C3orf49: variants seen among roughly 807,000 people sequenced by gnomAD.
C3orf49 encodes putative uncharacterized protein C3orf49.
C3orf49 carries 27 observed loss-of-function variants against 13.3 expected under a neutral mutation model. The observed-to-expected ratio is 2.02, with a 90% CI of 1.49 to 2.79. The LOEUF is 2.79. Ranked by LOEUF, C3orf49 falls within the 30% of genes most tolerant of loss-of-function variation. C3orf49 has a pLI of 0.00. For missense variants in C3orf49, 242 were observed against 134.2 expected, an observed-to-expected ratio of 1.80 and a Z score of -3.97; for synonymous variants, 87 against 47.6, an observed-to-expected ratio of 1.83 and a Z score of -3.40.
chr3:63,801,340 A>C, the C3orf49 span, among the ~76,000 whole-genome samples: 1 of 151,944 alleles, frequency 6.6e-6, no homozygotes, highest in Non-Finnish European at 1.5e-5. Context: ...AAAGAGAGAA[A>C]GTGAAAGAGA....
intron 3 of C3orf49, among the ~76,000 whole-genome samples, chr3:63,829,095 G>A (rs1283839428): frequency 6.6e-6 from 1 of 152,192 alleles, no homozygotes; most frequent in Non-Finnish European, 1.5e-5. Context: ...AAGTTCCACT[G>A]AACAGTGCTG....
the C3orf49 span, among the ~76,000 whole-genome samples, chr3:63,788,339 G>A: frequency 2.6e-5 from 4 of 152,216 alleles, no homozygotes; most frequent in African/African-American, 9.7e-5. Context: ...GAGCCATTAT[G>A]TTATTCTGCT....
chr3:63,843,111 T>C (rs930448396), intron 5 of C3orf49, among the ~76,000 whole-genome samples: 1 of 148,022 alleles, frequency 6.8e-6, no homozygotes, highest in South Asian at 2.1e-4. Flanking sequence ...ACCGTATGTA[T>C]ATTTGTTTGT....
chr3:63,788,226 C>T, the C3orf49 span, among the ~76,000 whole-genome samples: 2 of 152,132 alleles, frequency 1.3e-5, no homozygotes, highest in Non-Finnish European at 2.9e-5. Context: ...GCCCATCTTA[C>T]AGGTGAGGAA....
Position 63,831,220 on chromosome 3 carries a change from G to A in C3orf49, c.681G>A (p.Met227Ile). 1.4e-6 allele frequency: 1 copy of A among 702,136 alleles called. No individual in the cohort carries two copies. 43.5% of individuals were successfully genotyped at this position (702,136 alleles called of 1,614,324 possible). A position where few individuals can be genotyped will look rare whatever the true frequency, so the allele number is the denominator to read the frequency against. Residue 227 changes from methionine to isoleucine, a missense_variant, in exon 4 of 7, where the codon ATG becomes ATA. Coordinates refer to ENST00000295896, the MANE Select transcript of C3orf49 (RefSeq NM_001355236.2). ...ATTTGACAGTAGGAAAGCTTCAAAT[G>A]CAGGTAGTGGACAAAGGCTTTTAAC... Reference protein sequence around the residue: ...KSDLTVGKLQMQVDDLIETVT... With the variant: ...KSDLTVGKLQIQVDDLIETVT...
chr3:63,830,088 C>A (rs990549978), intron 3 of C3orf49, among the ~76,000 whole-genome samples: 6 of 152,114 alleles, frequency 3.9e-5, no homozygotes, highest in Non-Finnish European at 7.3e-5. Flanking sequence ...AGGCCAATTC[C>A]TCATGGCAAC....
chr3:63,840,843 G>C (rs1167015130), intron 5 of C3orf49, among the ~76,000 whole-genome samples: 1 of 152,176 alleles, frequency 6.6e-6, no homozygotes, highest in Non-Finnish European at 1.5e-5. Flanking sequence ...CTAATAAAAT[G>C]CAAACTGGTA....
intron 5 of C3orf49, among the ~76,000 whole-genome samples, chr3:63,844,307 TTAA>T (rs1464063481): frequency 6.6e-6 from 1 of 152,200 alleles, no homozygotes; most frequent in Non-Finnish European, 1.5e-5. Context: ...GTGACTATAG[TTAA>T]TGATGATATA....
intron 1 of C3orf49, among the ~76,000 whole-genome samples, chr3:63,821,986 G>GT (rs1448153132): frequency 6.7e-6 from 1 of 149,812 alleles, no homozygotes; most frequent in Non-Finnish European, 1.5e-5. Context: ...TTTTTTTTTT[G>GT]TTTTTTTGAG....
intron 1 of C3orf49, among the ~76,000 whole-genome samples, chr3:63,820,763 C>T (rs1701382391): frequency 6.6e-6 from 1 of 152,084 alleles, no homozygotes; most frequent in African/African-American, 2.4e-5. Flanking sequence ...AAATGGTGCT[C>T]CCTCCTCAGG....
rs149216656 is a variant in C3orf49 at position 63,845,215 on chromosome 3, G to A, written c.*30+133G>A. ...CTCGCTGATATCTTTGGCTTTGGGG[G>A]TATCAAGATTAGTTTGTGCTATGAG... is the stretch of plus-strand genomic sequence containing the variant. On this transcript the variant is annotated intron_variant, in intron 6 of 6. Coordinates refer to ENST00000295896, the MANE Select transcript of C3orf49 (RefSeq NM_001355236.2). 3.6e-4 allele frequency: 169 copies of A among 472,166 alleles called. 2 individuals carry two copies. In the East Asian group the frequency reaches 4.3e-3, roughly 12 times the overall value. The allele number at this position is 472,166 out of a possible 1,614,324, so 29.2% of individuals were successfully genotyped here.
At chr3:63,815,405 T>C (rs1232288426), upstream of C3orf49, among the ~76,000 whole-genome samples, 2 of 152,138 alleles carry the variant, frequency 1.3e-5, no homozygotes, top group African/African-American at 4.8e-5. Flanking sequence ...CTAATGACTT[T>C]TCAACACTCA....
At chr3:63,788,073 G>A in the C3orf49 span, among the ~76,000 whole-genome samples, 3 of 152,198 alleles carry the variant, frequency 2.0e-5, no homozygotes, top group Non-Finnish European at 2.9e-5. Context: ...TTCAAGAGCA[G>A]GGACATAGAA....
intron 5 of C3orf49, chr3:63,835,438 G>A: frequency 1.9e-6 from 3 of 1,552,772 alleles, no homozygotes; most frequent in African/African-American, 1.4e-5. Flanking sequence ...GGGGAGAAGA[G>A]TTTACAATTA....
At chr3:63,834,729 C>A (rs1295098748) in intron 5 of C3orf49, among the ~76,000 whole-genome samples, 2 of 151,406 alleles carry the variant, frequency 1.3e-5, no homozygotes, top group Non-Finnish European at 2.9e-5. Flanking sequence ...TCAGGTAACA[C>A]AAAAATTTCC....
chr3:63,793,823 C>T, the C3orf49 span, among the ~76,000 whole-genome samples: 1 of 152,010 alleles, frequency 6.6e-6, no homozygotes, highest in Non-Finnish European at 1.5e-5. Flanking sequence ...TGTTAAAGCC[C>T]CACTTCTTAG....
At chr3:63,810,510 C>T in the C3orf49 span, among the ~76,000 whole-genome samples, 15 of 152,132 alleles carry the variant, frequency 9.9e-5, no homozygotes, top group Admixed American at 9.2e-4. Flanking sequence ...GCCTATTGAC[C>T]TATGGGTCAA....
chr3:63,794,952 C>A, the C3orf49 span, among the ~76,000 whole-genome samples: 3 of 152,124 alleles, frequency 2.0e-5, no homozygotes, highest in Non-Finnish European at 4.4e-5. Context: ...ACCTTTTCTG[C>A]CCTGCAGGTG....
chr3:63,837,945 A>G, intron 5 of C3orf49: 1 of 1,581,464 alleles, frequency 6.3e-7, no homozygotes, highest in Non-Finnish European at 8.6e-7. Flanking sequence ...GTAATAATGT[A>G]TTTGCACATT....
Sources: gnomAD v4.1 joint callset for allele counts (sites outside exome capture counted in the v4.1 genomes callset) on GRCh38, gnomAD v4.1.1 for gene constraint, MANE v1.5 for transcripts, NCBI Gene and HGNC (gene_info 2026-07-23, HGNC 2026-07-21) for gene names.